The following PATJ variants were observed in gnomAD, a reference collection of about 807,000 sequenced individuals.
PATJ encodes the protein inaD-like protein.
Under a neutral mutation model 224.9 loss-of-function variants are expected in PATJ, and 190 were observed. The observed-to-expected ratio is 0.84, with a 90% CI of 0.75 to 0.95. The LOEUF is 0.95. PATJ is among the 40% of genes least tolerant of loss of function. PATJ has a pLI of 0.00. For missense variants in PATJ, 2,121 were observed against 2,270.3 expected (o/e 0.93, Z 1.34); for synonymous variants, 769 against 820.3 (o/e 0.94, Z 1.07).
intron 1 of PATJ, among the ~76,000 whole-genome samples, chr1:61,761,497 TG>T (rs1645970225): frequency 6.6e-6 from 1 of 152,086 alleles, no homozygotes; most frequent in Admixed American, 6.5e-5. Flanking sequence ...TTATGTGACA[TG>T]GGAGCCTTCA....
Position 62,121,223 on chromosome 1 carries a change from G to C in PATJ, c.4933G>C (p.Ala1645Pro). ...SAHSSCHPSF[A>P]PVITGLQNLV... ...ACACAGCAGCTGTCATCCCTCCTTC[G>C]CTCCTGTCATCACTGGCCTGCAAAA... Residue 1645 changes from alanine (A) to proline (P), a missense_variant, in exon 38 of 44, where the codon GCT becomes CCT. Transcript: ENST00000642238. The C allele has an allele frequency of 6.2e-7, 1 of 1,613,674 alleles. No homozygotes were observed. Among genetic ancestry groups the C allele is most frequent in the Admixed American group, 1.7e-5 (1 of 59,964 alleles).
chr1:62,100,188 T>G, intron 33 of PATJ: 1 of 512,072 alleles, frequency 2.0e-6, no homozygotes, highest in Non-Finnish European at 3.6e-6. Flanking sequence ...CCATTTGTGA[T>G]GGGTATTTTG....
chr1:62,106,158 G>GTGTGTGTA (rs1356937495), intron 33 of PATJ, among the ~76,000 whole-genome samples: 2 of 48,064 alleles, frequency 4.2e-5, no homozygotes, highest in Admixed American at 2.6e-4. Flanking sequence ...GTGTGTGTGT[G>GTGTGTGTA]TATATATATA....
At chr1:61,964,729 G>A (rs6667051) in intron 27 of PATJ, among the ~76,000 whole-genome samples, 22,315 of 151,892 alleles carry the variant, frequency 0.15, 2,128 homozygotes, top group Non-Finnish European at 0.21. Flanking sequence ...TTGAGGCTGC[G>A]GTGAGCCAAG....
At chr1:61,813,360 TATATATATATATATATATACAC>T (rs1292336285) in intron 14 of PATJ, among the ~76,000 whole-genome samples, 3,385 of 54,016 alleles carry the variant, frequency 0.063, 137 homozygotes, top group Non-Finnish European at 0.09. Context: ...TATATATATA[TATATATATATATATATATACAC>T]ACACACACAC....
chr1:61,896,504 G>A (rs1242140647), intron 22 of PATJ, among the ~76,000 whole-genome samples: 1 of 152,124 alleles, frequency 6.6e-6, no homozygotes, highest in African/African-American at 2.4e-5. Flanking sequence ...CCTTGTCTGA[G>A]ATGAGACTTT....
intron 22 of PATJ, among the ~76,000 whole-genome samples, chr1:61,896,295 C>CAAAAA (rs386367129): frequency 6.9e-5 from 10 of 143,964 alleles, no homozygotes; most frequent in African/African-American, 2.1e-4. Flanking sequence ...GACTCCATCT[C>CAAAAA]AAAAAAAAAA....
intron 39 of PATJ, among the ~76,000 whole-genome samples, chr1:62,124,921 A>G (rs527582089): frequency 3.3e-5 from 5 of 152,092 alleles, no homozygotes; most frequent in Non-Finnish European, 5.9e-5. Flanking sequence ...GGGGGACCCA[A>G]TTCAGCCTGT....
At chr1:62,129,388 G>A (rs766480959) in intron 41 of PATJ, among the ~76,000 whole-genome samples, 4 of 152,268 alleles carry the variant, frequency 2.6e-5, no homozygotes, top group African/African-American at 7.2e-5. Flanking sequence ...AAATTGTCAC[G>A]CGTAGCAGTC....
chr1:61,948,002 G>A (rs994508279), intron 27 of PATJ, among the ~76,000 whole-genome samples: 2 of 152,254 alleles, frequency 1.3e-5, no homozygotes, highest in East Asian at 3.9e-4. Context: ...GGGAAAACTG[G>A]CTAGCCATAT....
intron 28 of PATJ, among the ~76,000 whole-genome samples, chr1:62,015,565 C>G (rs1646726359): frequency 2.6e-5 from 4 of 151,994 alleles, no homozygotes; most frequent in Admixed American, 2.6e-4. Context: ...TGGACTCTCA[C>G]TCTGTCACCT....
chr1:62,159,375 A>G (rs1175487750), intron 43 of PATJ, among the ~76,000 whole-genome samples: 1 of 151,938 alleles, frequency 6.6e-6, no homozygotes, highest in Non-Finnish European at 1.5e-5. Flanking sequence ...TATTTTTAGT[A>G]GAGACAGGAT....
intron 1 of PATJ, among the ~76,000 whole-genome samples, chr1:61,753,926 C>T (rs1645475984): frequency 6.6e-6 from 1 of 151,720 alleles, no homozygotes; most frequent in Non-Finnish European, 1.5e-5. Context: ...TTCTATCTCT[C>T]TTCAAATACT....
chr1:61,864,076 G>A (rs1429077365), intron 19 of PATJ, among the ~76,000 whole-genome samples, 162 bp from the exon 20 acceptor site: 1 of 152,206 alleles, frequency 6.6e-6, no homozygotes, highest in Non-Finnish European at 1.5e-5. Flanking sequence ...ATTGTGTGGA[G>A]GTGAGCTTGT....
Position 62,125,248 on chromosome 1 carries a change from AAAAAACAAAAAAAAAC to A in PATJ, c.5043+2196_5043+2211del, listed in dbSNP as rs1275721773. 4.5e-4 allele frequency among the ~76,000 whole-genome samples: 46 copies of A among 102,738 alleles called. 6 individuals are homozygous for A. The highest frequency in any genetic ancestry group is 2.5e-3 in the East Asian group (9 of 3,638). The allele number at this position is 102,738 out of a possible 152,430, so 67.4% of individuals were successfully genotyped here. A position where few individuals can be genotyped will look rare whatever the true frequency, so the allele number is the denominator to read the frequency against. Reference sequence around the variant, plus strand: ...TAAAACCCTGTCTCAAAAAAAAAAAAAAAAACAAAAAAAAACAAAAAAAAAACGCCATTAGCTCTAT... The same window carrying A: ...TAAAACCCTGTCTCAAAAAAAAAAAAAAAAAAAAAACGCCATTAGCTCTAT... On this transcript the variant is annotated intron_variant, in intron 39 of 43. Coordinates refer to ENST00000642238, the MANE Select transcript of PATJ (RefSeq NM_001350145.3).
intron 25 of PATJ, among the ~76,000 whole-genome samples, 170 bp downstream of exon 25, chr1:61,908,652 T>C (rs1417036863): frequency 6.6e-6 from 1 of 152,190 alleles, no homozygotes; most frequent in Non-Finnish European, 1.5e-5. Context: ...TCCCCTCCAG[T>C]TTTGATCTTC....
chr1:61,899,753 T>A, intron 23 of PATJ, 99 bp downstream of exon 23: 2 of 744,644 alleles, frequency 2.7e-6, no homozygotes, highest in Non-Finnish European at 4.1e-6. Flanking sequence ...CTCTAATGAT[T>A]GAGAATTGCG....
chr1:61,916,018 T>G (rs1557871826), intron 26 of PATJ, among the ~76,000 whole-genome samples: 1 of 152,174 alleles, frequency 6.6e-6, no homozygotes, highest in Non-Finnish European at 1.5e-5. Flanking sequence ...AAAAAGATAC[T>G]GAAATCTTGA....
At chr1:62,085,300 C>T (rs1162028006) in intron 33 of PATJ, among the ~76,000 whole-genome samples, 3 of 151,152 alleles carry the variant, frequency 2.0e-5, no homozygotes, top group Admixed American at 6.6e-5. Context: ...TGTAGTGAAC[C>T]GTGATCATGC....
Sources: allele counts gnomAD v4.1 joint callset (sites outside exome capture counted in the v4.1 genomes callset), GRCh38; gene constraint gnomAD v4.1.1; transcripts MANE v1.5; gene names NCBI Gene and HGNC (gene_info 2026-07-23, HGNC 2026-07-21).